Variants in UGT1A7 observed in about 807,000 individuals in gnomAD.
UGT1A7 encodes the protein UDP-glucuronosyltransferase 1A7.
In UGT1A7, 33 loss-of-function variants were observed where a neutral mutation model predicts 45.6. The ratio of observed to expected loss-of-function variants is 0.72; its 90% CI spans 0.55 to 0.97. The LOEUF (loss-of-function observed/expected upper bound fraction) is 0.97. Ranked by LOEUF, UGT1A7 falls within the 50% of genes least tolerant of loss-of-function variation. The pLI is 0.00. For synonymous variants in UGT1A7, 274 were observed against 250.6 expected, an observed-to-expected ratio of 1.09 and a Z score of -0.88; for missense variants, 684 against 666.2, an observed-to-expected ratio of 1.03 and a Z score of -0.29.
intron 1 of UGT1A7, among the ~76,000 whole-genome samples, chr2:233,762,777 G>A (rs1698161345): frequency 6.7e-6 from 1 of 149,832 alleles, no homozygotes; most frequent in Non-Finnish European, 1.5e-5. Flanking sequence ...ATCTCTAGCT[G>A]ATTATCTACT....
chr2:233,693,703 A>T, intron 1 of UGT1A7: 2 of 1,614,248 alleles, frequency 1.2e-6, no homozygotes, highest in East Asian at 4.5e-5. Context: ...AAGAACTCGC[A>T]TCAGCTGTCC....
chr2:233,769,478 T>C lies in UGT1A7; in HGVS notation c.1295+1039T>C. The C allele has an allele frequency of 5.6e-6, 9 of 1,611,038 alleles. No homozygotes were observed. Among genetic ancestry groups the C allele is most frequent in the Non-Finnish European group, 7.6e-6 (9 of 1,178,536 alleles). On this transcript the variant is annotated intron_variant, in intron 4 of 4. Transcript: ENST00000373426. The surrounding 1 kb of genome is among the most constrained non-coding windows in gnomAD (Gnocchi z 4.4). Reference sequence around the variant, plus strand: ...GCATTCATATGCGTGTGTGTGTGTGTGCGTGTGTTTATGAGAGTGTCCATT... The same window carrying C: ...GCATTCATATGCGTGTGTGTGTGTGCGCGTGTGTTTATGAGAGTGTCCATT...
intron 1 of UGT1A7, among the ~76,000 whole-genome samples, chr2:233,703,091 G>A (rs1243332087): frequency 6.6e-6 from 1 of 152,122 alleles, no homozygotes; most frequent in Non-Finnish European, 1.5e-5. Context: ...TTTTCTTGCA[G>A]GAGGTTTTAA....
At chr2:233,712,068 A>G (rs1488052828) in intron 1 of UGT1A7, among the ~76,000 whole-genome samples, 1 of 152,218 alleles carries the variant, frequency 6.6e-6, no homozygotes, top group Non-Finnish European at 1.5e-5. Context: ...AATCTTCAGG[A>G]TGAAATAAAG....
intron 1 of UGT1A7, among the ~76,000 whole-genome samples, chr2:233,695,064 C>G (rs576556742): frequency 9.2e-5 from 14 of 152,068 alleles, no homozygotes; most frequent in Non-Finnish European, 2.1e-4. Context: ...ACTGTGCTAT[C>G]GCACTTTGGA....
intron 1 of UGT1A7, among the ~76,000 whole-genome samples, chr2:233,711,748 A>G (rs2076195201): frequency 6.6e-6 from 1 of 152,234 alleles, no homozygotes; most frequent in Non-Finnish European, 1.5e-5. Flanking sequence ...ACGGCCAGGC[A>G]TGTAGACACA....
chr2:233,731,569 A>G (rs1225013175), intron 1 of UGT1A7, among the ~76,000 whole-genome samples: 1 of 152,190 alleles, frequency 6.6e-6, no homozygotes, highest in African/African-American at 2.4e-5. Context: ...TTTGCTGAGA[A>G]TGATGGTTTA....
intron 1 of UGT1A7, among the ~76,000 whole-genome samples, chr2:233,694,933 G>A (rs2075249431): frequency 1.3e-5 from 2 of 152,182 alleles, no homozygotes; most frequent in African/African-American, 4.8e-5. Flanking sequence ...GATCAAATCA[G>A]GGTAATTGAG....
intron 1 of UGT1A7, chr2:233,719,231 G>C: frequency 6.2e-7 from 1 of 1,614,198 alleles, no homozygotes; most frequent in Middle Eastern, 1.6e-4. Context: ...ATGAGGCCCT[G>C]ATCAGGCACC....
At chr2:233,697,371 T>C (rs1038271148) in intron 1 of UGT1A7, among the ~76,000 whole-genome samples, 9 of 152,090 alleles carry the variant, frequency 5.9e-5, no homozygotes, top group Non-Finnish European at 1.0e-4. Context: ...GCATATAGAG[T>C]TCACAATAAT....
chr2:233,731,109 T>C (rs1417583719), intron 1 of UGT1A7, among the ~76,000 whole-genome samples: 2 of 152,194 alleles, frequency 1.3e-5, no homozygotes, highest in African/African-American at 2.4e-5. Flanking sequence ...TTTTTATAAA[T>C]GTAGGTATTA....
At chr2:233,693,555 G>C in intron 1 of UGT1A7, 1 of 1,614,172 alleles carries the variant, frequency 6.2e-7, no homozygotes, top group East Asian at 2.2e-5. Flanking sequence ...ACATTCAGCA[G>C]AAGCCCAGAC....
At chr2:233,715,540 G>A (rs552112034) in intron 1 of UGT1A7, among the ~76,000 whole-genome samples, 3 of 152,222 alleles carry the variant, frequency 2.0e-5, no homozygotes, top group South Asian at 4.2e-4. Flanking sequence ...GGGAGACCGA[G>A]GGAGGAGGAT....
In UGT1A7 at chr2:233,724,671, T is replaced by C. The variant is rs376440949; in HGVS notation, c.855+41879T>C. On this transcript the variant is annotated intron_variant, in intron 1 of 4. Coordinates refer to ENST00000373426, the MANE Select transcript of UGT1A7 (RefSeq NM_019077.3). ...CTGGGAAGAGGCGCTCCTCACTTCC[T>C]AGATGGGATGGCGGCCGGGTGAAGA... 3.9e-4 allele frequency among the ~76,000 whole-genome samples: 56 copies of C among 142,288 alleles called. 1 individual carries two copies. Among genetic ancestry groups the C allele is most frequent in the Non-Finnish European group, 7.5e-4 (49 of 65,750 alleles). The allele number at this position is 142,288 out of a possible 152,430, so 93.3% of individuals were successfully genotyped here.
At chr2:233,716,338 G>A (rs561710355) in intron 1 of UGT1A7, among the ~76,000 whole-genome samples, 6 of 152,144 alleles carry the variant, frequency 3.9e-5, no homozygotes, top group African/African-American at 1.2e-4. Context: ...CCAGGTTTGC[G>A]CAACTACAAT....
chr2:233,704,789 A>G (rs1240438635), intron 1 of UGT1A7, among the ~76,000 whole-genome samples: 1 of 152,186 alleles, frequency 6.6e-6, no homozygotes, highest in East Asian at 1.9e-4. Context: ...TAGTCCCAAC[A>G]ATATAATTAT....
At chr2:233,733,359 G>T (rs892320976) in intron 1 of UGT1A7, among the ~76,000 whole-genome samples, 1 of 152,164 alleles carries the variant, frequency 6.6e-6, no homozygotes, top group Non-Finnish European at 1.5e-5. Flanking sequence ...AGTAGGAGTG[G>T]TGAGAGAGGT....
intron 1 of UGT1A7, among the ~76,000 whole-genome samples, chr2:233,724,579 G>A (rs1401328538): frequency 7.9e-6 from 1 of 126,878 alleles, no homozygotes; most frequent in Non-Finnish European, 1.6e-5. Context: ...GGGCAGAGGC[G>A]CTCCCCACAT....
Position 233,693,540 on chromosome 2 carries a change from A to G in UGT1A7, c.855+10748A>G, listed in dbSNP as rs771085837. The G allele has an allele frequency of 3.7e-6, 6 of 1,614,004 alleles. No individual in the cohort carries two copies. In the South Asian group the frequency reaches 6.6e-5, roughly 18 times the overall value. ...TTCAGGGGTTTTCCGTGTTCCCTGG[A>G]GCATACATTCAGCAGAAGCCCAGAC... On this transcript the variant is annotated intron_variant, in intron 1 of 4. Transcript: ENST00000373426.
Sources: gnomAD v4.1 joint callset for allele counts (sites outside exome capture counted in the v4.1 genomes callset) on GRCh38, gnomAD v4.1.1 for gene constraint, Gnocchi (gnomAD v3.1) non-coding constraint, MANE v1.5 for transcripts, NCBI Gene and HGNC (gene_info 2026-07-23, HGNC 2026-07-21) for gene names.